Variants in CTIF observed in about 807,000 individuals in gnomAD.
The protein encoded by CTIF is CBP80/20-dependent translation initiation factor.
A neutral mutation model predicts 66.0 loss-of-function variants in CTIF; 21 were observed. The observed-to-expected ratio is 0.32, with a 90% confidence interval of 0.23 to 0.46. The LOEUF (loss-of-function observed/expected upper bound fraction) is 0.46. CTIF is among the 20% of genes least tolerant of loss of function. CTIF has a pLI of 1.00. For missense variants in CTIF, 739 were observed against 812.7 expected (o/e 0.91, Z 1.10); for synonymous variants, 345 against 326.4 (o/e 1.06, Z -0.62).
At chr18:48,846,497 A>AGATG (rs1555705172) in intron 10 of CTIF, among the ~76,000 whole-genome samples, 24,538 of 135,720 alleles carry the variant, frequency 0.18, 2,546 homozygotes, top group Middle Eastern at 0.25. Flanking sequence ...ATGAAAGGAT[A>AGATG]GATGGATGGA....
intron 3 of CTIF, among the ~76,000 whole-genome samples, chr18:48,650,624 C>T (rs895984243): frequency 2.6e-5 from 4 of 152,112 alleles, no homozygotes; most frequent in Non-Finnish European, 5.9e-5. Context: ...ATACAGAGAA[C>T]ACCATAAAGA....
chr18:48,793,384 T>C lies in CTIF; in HGVS notation c.1372-23837T>C, dbSNP rs554830954. ...AGCTTTGGGAAACTGACAGAGAGGA[T>C]AGGATAGGTGCCTGGGGGCCAGCTT... On this transcript the variant is annotated intron_variant, in intron 9 of 11. Transcript: ENST00000256413. Among the ~76,000 whole-genome samples, 141 of 152,342 alleles carry C rather than the reference T, an allele frequency of 9.3e-4. 1 individual carries two copies. Among genetic ancestry groups the C allele is most frequent in the Non-Finnish European group, 1.6e-3 (112 of 68,018 alleles).
In CTIF at chr18:48,751,474, T is replaced by G. The variant is rs529307244; in HGVS notation, c.585-6445T>G. Among the ~76,000 whole-genome samples, 9 of 152,338 alleles carry G rather than the reference T, an allele frequency of 5.9e-5. No homozygotes were observed. In the South Asian group the frequency reaches 6.2e-4, roughly 11 times the overall value. ...CTCAGCTTCATGAAGGCAGCAGCCC[T>G]GTGCGCTGGAGTCATCGCTACCTCC... is the stretch of plus-strand genomic sequence containing the variant. On this transcript the variant is annotated intron_variant, in intron 7 of 11. Transcript: ENST00000256413.
At chr18:48,728,449 T>C (rs963369516) in intron 7 of CTIF, among the ~76,000 whole-genome samples, 1 of 152,250 alleles carries the variant, frequency 6.6e-6, no homozygotes, top group Non-Finnish European at 1.5e-5. Flanking sequence ...TAAGCACTTA[T>C]GATCTCACAC....
intron 1 of CTIF, among the ~76,000 whole-genome samples, chr18:48,553,158 A>G (rs2088928231): frequency 6.6e-6 from 1 of 152,176 alleles, no homozygotes; most frequent in Non-Finnish European, 1.5e-5. Context: ...ACAAGGTAGA[A>G]ATGATCCCCA....
intron 10 of CTIF, among the ~76,000 whole-genome samples, chr18:48,834,479 C>T (rs542381265): frequency 3.3e-5 from 5 of 152,230 alleles, no homozygotes; most frequent in Admixed American, 6.5e-5. Flanking sequence ...TCCCTGATCC[C>T]GCTGTGTGGT....
At position 48,653,860 on chromosome 18, in the gene CTIF, A is replaced by G. The variant is rs187876773; in HGVS notation, c.253-9892A>G. On this transcript the variant is annotated intron_variant, in intron 3 of 11. Transcript: ENST00000256413. ...ATCTGATCTTTGACAAACCTGACAAAAACAGGAAATGGGGAAAGGATTCCC... is the reference window on the plus strand; with the variant it reads ...ATCTGATCTTTGACAAACCTGACAAGAACAGGAAATGGGGAAAGGATTCCC... Among the ~76,000 whole-genome samples the G allele has an allele frequency of 4.4e-3, 671 of 152,308 alleles. 9 individuals are homozygous for G. Among genetic ancestry groups the G allele is most frequent in the African/African-American group, 0.015 (644 of 41,562 alleles).
intron 9 of CTIF, among the ~76,000 whole-genome samples, chr18:48,770,692 G>A (rs755557090): frequency 5.3e-5 from 8 of 152,380 alleles, no homozygotes; most frequent in South Asian, 2.1e-4. Context: ...AGGCAGCAAC[G>A]CTGAGGCCTG....
At chr18:48,840,504 A>G (rs1453862768) in intron 10 of CTIF, among the ~76,000 whole-genome samples, 3 of 152,232 alleles carry the variant, frequency 2.0e-5, no homozygotes, top group Non-Finnish European at 4.4e-5. Flanking sequence ...GTAAGGCTCT[A>G]AAGCCAAACA....
At chr18:48,765,487 G>A (rs530258375) in intron 9 of CTIF, among the ~76,000 whole-genome samples, 2 of 152,346 alleles carry the variant, frequency 1.3e-5, no homozygotes, top group South Asian at 4.1e-4. Flanking sequence ...CTTTACACTT[G>A]GTTCTCCCTG....
chr18:48,682,439 G>A (rs571465627), intron 6 of CTIF, among the ~76,000 whole-genome samples: 63 of 152,310 alleles, frequency 4.1e-4, no homozygotes, highest in Non-Finnish European at 7.8e-4. Flanking sequence ...CAGTGAACCA[G>A]AAACTCTGGG....
chr18:48,556,562 A>G (rs2089026612), intron 1 of CTIF, among the ~76,000 whole-genome samples: 1 of 152,082 alleles, frequency 6.6e-6, no homozygotes, highest in Admixed American at 6.6e-5. Context: ...GCTCACTGGC[A>G]TTGTGTTTGT....
intron 1 of CTIF, among the ~76,000 whole-genome samples, chr18:48,598,265 A>G (rs1307080237): frequency 6.6e-6 from 1 of 152,240 alleles, no homozygotes; most frequent in Non-Finnish European, 1.5e-5. Flanking sequence ...TATAAGTCAC[A>G]AACGAACAAT....
At chr18:48,732,215 G>A (rs1568173517) in intron 7 of CTIF, among the ~76,000 whole-genome samples, 2 of 152,230 alleles carry the variant, frequency 1.3e-5, no homozygotes, top group Non-Finnish European at 1.5e-5. Flanking sequence ...TTTTGATGTG[G>A]AACTGCAGAA....
rs564452732 is a variant in CTIF at position 48,804,529 on chromosome 18, G to A, written c.1372-12692G>A. On this transcript the variant is annotated intron_variant, in intron 9 of 11. Transcript: ENST00000256413. ...CTGCATGTGCAGACTGCCAGGGGTC[G>A]GGGGCGGCCAGGTCCGAGGCAGGCT... Among the ~76,000 whole-genome samples, 40 of 152,290 alleles carry A rather than the reference G, an allele frequency of 2.6e-4. No individual in the cohort carries two copies. In the East Asian group the frequency reaches 6.0e-3, roughly 23 times the overall value.
At chr18:48,607,995 T>G (rs1230814784) in intron 1 of CTIF, among the ~76,000 whole-genome samples, 1 of 152,236 alleles carries the variant, frequency 6.6e-6, no homozygotes, top group Non-Finnish European at 1.5e-5. Flanking sequence ...TCCTGATTTA[T>G]TTCCAAGTTC....
intron 9 of CTIF, among the ~76,000 whole-genome samples, chr18:48,791,651 GC>G (rs1208213084): frequency 3.3e-5 from 5 of 152,146 alleles, no homozygotes; most frequent in African/African-American, 1.2e-4. Context: ...GCATCTCCTT[GC>G]CCCAAGCAGC....
intron 7 of CTIF, among the ~76,000 whole-genome samples, chr18:48,725,281 A>T (rs1261873313): frequency 6.6e-6 from 1 of 152,072 alleles, no homozygotes; most frequent in Admixed American, 6.5e-5. Context: ...CTGTGCCCTG[A>T]TATTCAGGAG....
chr18:48,546,765 T>C (rs1441064281), intron 1 of CTIF, among the ~76,000 whole-genome samples: 1 of 152,000 alleles, frequency 6.6e-6, no homozygotes, highest in East Asian at 1.9e-4. Flanking sequence ...AAAGTTTGCA[T>C]GCTGGGAGAA....
Sources: allele counts gnomAD v4.1 joint callset (sites outside exome capture counted in the v4.1 genomes callset), GRCh38; gene constraint gnomAD v4.1.1; transcripts MANE v1.5; gene names NCBI Gene and HGNC (gene_info 2026-07-23, HGNC 2026-07-21).